The following RPL6 variants were observed in gnomAD, a reference collection of about 807,000 sequenced individuals.
The protein encoded by RPL6 is large ribosomal subunit protein eL6.
In RPL6, 1 loss-of-function variant was observed where a neutral mutation model predicts 32.1. The observed-to-expected ratio is 0.03, with a 90% CI of 0.01 to 0.15. The LOEUF (loss-of-function observed/expected upper bound fraction) is 0.15. RPL6 is among the 10% of genes least tolerant of loss of function. RPL6 has a pLI of 1.00. For missense variants in RPL6, 275 were observed against 354.6 expected (o/e 0.78, Z 1.80); for synonymous variants, 126 against 131.6 (o/e 0.96, Z 0.29).
intron 6 of RPL6, 51 bp downstream of exon 6, chr12:112,405,802 C>T: frequency 1.4e-6 from 2 of 1,444,074 alleles, no homozygotes; most frequent in Non-Finnish European, 1.9e-6. Context: ...TCTTTTCACT[C>T]CCAGGTAGAA....
chr12:112,416,291 C>T (rs554181285), intron 1 of RPL6, among the ~76,000 whole-genome samples: 129 of 152,156 alleles, frequency 8.5e-4, no homozygotes, highest in Non-Finnish European at 1.5e-3. Context: ...AGGTGCCCAC[C>T]ACCACGCCCA....
rs372506857 is a variant in RPL6, at chr12:112,405,386, G to A, written c.715-10C>T. 6 of 1,607,484 alleles carry A rather than the reference G, an allele frequency of 3.7e-6. No individual in the cohort carries two copies. The African/African-American group carries it at 6.7e-5, about 18-fold the overall frequency. Reference sequence around the variant, plus strand: ...CCGTAATCTCATATTTCTAAATAAAGAGAAAATCAAACATTTTAAAACAGG... The same window carrying A: ...CCGTAATCTCATATTTCTAAATAAAAAGAAAATCAAACATTTTAAAACAGG... On this transcript the variant is annotated splice_polypyrimidine_tract_variant and intron_variant, in intron 6 of 6. Transcript: ENST00000202773.
In RPL6 at chr12:112,406,802, G is replaced by C. The variant is rs200897039; in HGVS notation, c.425C>G (p.Ala142Gly). Residue 142 changes from alanine (A) to glycine (G), a missense_variant, in exon 4 of 7, where the codon GCC becomes GGC. By Grantham distance (60) the Ala-to-Gly change is moderately conservative. Coordinates refer to ENST00000202773, the MANE Select transcript of RPL6 (RefSeq NM_000970.6). ...PFSQHVRKLRASITPGTILII... is the reference protein window; with the variant it reads ...PFSQHVRKLRGSITPGTILII... The stretch of plus-strand genomic sequence containing the variant: ...CAGAATGGTCCCGGGGGTAATGCTG[G>C]CTCGCAGTTTTCTCACGTGCTGACT... 1.9e-6 allele frequency: 3 copies of C among 1,614,222 alleles called. No homozygotes were observed. In the East Asian group the frequency reaches 6.7e-5, roughly 36 times the overall value.
chr12:112,407,967 G>A (rs746359449), intron 3 of RPL6: 39 of 387,162 alleles, frequency 1.0e-4, no homozygotes, highest in South Asian at 3.1e-4. Flanking sequence ...TGATCTGCTC[G>A]CCTCAGCCTC....
chr12:112,408,086 G>A, intron 3 of RPL6, 154 bp downstream of exon 3: 2 of 621,548 alleles, frequency 3.2e-6, no homozygotes, highest in Non-Finnish European at 5.7e-6. Context: ...AAGATTAACA[G>A]TAAATGTTGA....
chr12:112,415,920 T>C (rs1354667882), intron 1 of RPL6, among the ~76,000 whole-genome samples: 1 of 146,392 alleles, frequency 6.8e-6, no homozygotes, highest in Non-Finnish European at 1.5e-5. Context: ...GGAGAAGCCA[T>C]TGGTGAATTC....
Position 112,406,831 on chromosome 12 carries a change from G to A in RPL6, c.396C>T (p.Pro132=). 2 of 1,614,238 alleles carry A rather than the reference G, an allele frequency of 1.2e-6. No individual in the cohort carries two copies. Among genetic ancestry groups the A allele is most frequent in the South Asian group, 1.1e-5 (1 of 91,086 alleles). Residue 132 remains proline (P), a synonymous_variant, in exon 4 of 7, where the codon CCC becomes CCT. Coordinates refer to ENST00000202773, the MANE Select transcript of RPL6 (RefSeq NM_000970.6). ...GCAGTTTTCTCACGTGCTGACTGAA[G>A]GGTTTTTTGCCGTGGCTCAACAGCT... The part of the protein sequence containing the change: ...PRKLLSHGKK[P]FSQHVRKLRA...
upstream of RPL6, among the ~76,000 whole-genome samples, chr12:112,410,035 C>T (rs1422753690): frequency 2.7e-5 from 4 of 150,854 alleles, no homozygotes; most frequent in Admixed American, 1.3e-4. Context: ...GGGCCGGACA[C>T]GGTGGCTCAC....
intron 1 of RPL6, among the ~76,000 whole-genome samples, chr12:112,416,348 C>T (rs1044330529): frequency 6.6e-6 from 1 of 152,008 alleles, no homozygotes; most frequent in African/African-American, 2.4e-5. Flanking sequence ...ACTGTGTTAG[C>T]CAGGATGGTC....
intron 4 of RPL6, 48 bp downstream of exon 4, chr12:112,406,699 G>A (rs1467599529): frequency 1.2e-6 from 2 of 1,604,784 alleles, no homozygotes; most frequent in Non-Finnish European, 1.7e-6. Context: ...TTGCCACCAG[G>A]CACCCCAGGC....
upstream of RPL6, among the ~76,000 whole-genome samples, chr12:112,414,434 T>C (rs975294205): frequency 6.6e-6 from 1 of 152,252 alleles, no homozygotes; most frequent in African/African-American, 2.4e-5. Context: ...TAGTTTACTT[T>C]GGAAAAGAGA....
At chr12:112,414,854 G>A (rs147669569), upstream of RPL6, among the ~76,000 whole-genome samples, 281 of 151,710 alleles carry the variant, frequency 1.9e-3, 1 homozygote, top group Middle Eastern at 6.8e-3. Flanking sequence ...GCAGTGAGTC[G>A]AGATCACGCC....
intron 4 of RPL6, 85 bp downstream of exon 4, chr12:112,406,662 G>GA (rs1211774706): frequency 2.0e-5 from 31 of 1,522,780 alleles, no homozygotes; most frequent in Non-Finnish European, 2.2e-5. Flanking sequence ...GTAAATAAAG[G>GA]AAAAGTACAC....
At chr12:112,407,098 A>C (rs2037195144) in intron 3 of RPL6, 3 of 505,808 alleles carry the variant, frequency 5.9e-6, no homozygotes, top group Non-Finnish European at 1.1e-5. Flanking sequence ...ACACCATTTA[A>C]TGAATGAGAT....
intron 1 of RPL6, among the ~76,000 whole-genome samples, chr12:112,416,556 G>A (rs978941916): frequency 1.3e-5 from 2 of 151,448 alleles, no homozygotes; most frequent in African/African-American, 4.9e-5. Context: ...GATTACAGGT[G>A]TAAGCCACCG....
At chr12:112,416,830 A>G (rs1214718509) in intron 1 of RPL6, among the ~76,000 whole-genome samples, 1 of 152,220 alleles carries the variant, frequency 6.6e-6, no homozygotes, top group African/African-American at 2.4e-5. Flanking sequence ...CTAGCTGGCC[A>G]GGATTTAGGG....
At chr12:112,406,950 G>T in intron 3 of RPL6, 60 bp from the exon 4 acceptor site, 1 of 1,571,840 alleles carries the variant, frequency 6.4e-7, no homozygotes, top group Non-Finnish European at 8.7e-7. Flanking sequence ...CTAGAAGCAA[G>T]CTATGTCAGC....
upstream of RPL6, among the ~76,000 whole-genome samples, chr12:112,410,827 A>G (rs546848879): frequency 7.2e-5 from 11 of 152,034 alleles, no homozygotes; most frequent in Non-Finnish European, 1.2e-4. Flanking sequence ...CACCCGCCTC[A>G]GCCTCCCAAA....
chr12:112,410,554 CTTTTTTTTTTTTTTTTTT>C (rs561190073), upstream of RPL6: 46 of 36,256 alleles, frequency 1.3e-3, no homozygotes, highest in South Asian at 2.3e-3. Context: ...AGTGTTAGCT[CTTTTTTTTTTTTTTTTTT>C]TTTTTTTTTT....
Sources: gnomAD v4.1 joint callset for allele counts (sites outside exome capture counted in the v4.1 genomes callset) on GRCh38, gnomAD v4.1.1 for gene constraint, MANE v1.5 for transcripts, NCBI Gene and HGNC (gene_info 2026-07-23, HGNC 2026-07-21) for gene names.